Variants in PARVA observed in about 807,000 individuals in gnomAD.
PARVA encodes alpha-parvin.
In PARVA, 25 loss-of-function variants were observed where a neutral mutation model predicts 52.6. The observed-to-expected ratio is 0.48, with a 90% confidence interval of 0.35 to 0.66. PARVA has a LOEUF of 0.66. PARVA is among the 30% of genes least tolerant of loss of function. The pLI is 0.01. For synonymous variants in PARVA, 185 were observed against 179.1 expected (o/e 1.03, Z -0.26); for missense variants, 373 against 450.9 (o/e 0.83, Z 1.56).
rs1281751857 is a variant in PARVA at position 12,516,065 on chromosome 11, C to G, written c.868-1545C>G. ...TGTTGCCCAGGCCAGTCTGGAACTC[C>G]TGAGCTCAAGCGATCCGCCTGCCTC... On this transcript the variant is annotated intron_variant, in intron 10 of 12. Transcript: ENST00000334956. Among the ~76,000 whole-genome samples the G allele has an allele frequency of 5.9e-5, 9 of 152,338 alleles. No individual in the cohort carries two copies. In the East Asian group the frequency reaches 1.7e-3, roughly 29 times the overall value.
intron 1 of PARVA, among the ~76,000 whole-genome samples, chr11:12,412,812 G>A (rs998989230): frequency 4.6e-5 from 7 of 152,142 alleles, no homozygotes; most frequent in Non-Finnish European, 7.3e-5. Flanking sequence ...CCCTTTCCAC[G>A]CCAGTGTTAA....
intron 1 of PARVA, among the ~76,000 whole-genome samples, chr11:12,459,964 G>A (rs1444433364): frequency 6.6e-6 from 1 of 152,130 alleles, no homozygotes; most frequent in Non-Finnish European, 1.5e-5. Context: ...CAGGGGCTGA[G>A]CCTCCATAGA....
chr11:12,509,586 G>A (rs1941480664), intron 7 of PARVA, among the ~76,000 whole-genome samples: 1 of 152,176 alleles, frequency 6.6e-6, no homozygotes, highest in Admixed American at 6.5e-5. Flanking sequence ...AGGAGTCTGG[G>A]GCACTGCCCG....
At chr11:12,376,987 C>T (rs1939397653), upstream of PARVA, among the ~76,000 whole-genome samples, 1 of 152,192 alleles carries the variant, frequency 6.6e-6, no homozygotes, top group Non-Finnish European at 1.5e-5. Context: ...GAATAAGAAG[C>T]CTCGGCTTTA....
In PARVA at chr11:12,377,715, G is replaced by T; in HGVS notation, c.68G>T (p.Arg23Leu). The T allele has an allele frequency of 1.3e-5, 20 of 1,564,852 alleles. No individual in the cohort carries two copies. The highest frequency in any genetic ancestry group is 1.7e-5 in the Non-Finnish European group (20 of 1,160,272). Residue 23 changes from arginine to leucine, a missense_variant, in exon 1 of 13, where the codon CGC (arginine) becomes CTC (leucine). Arg to Leu is a moderately radical substitution (Grantham distance 102). Transcript: ENST00000334956. ...KSPTPKSPPS[R>L]KKDDSFLGKL... ...CCCACTCCCAAGTCGCCCCCGTCCC[G>T]CAAGAAAGATGATTCCTTCTTGGGG...
intron 1 of PARVA, among the ~76,000 whole-genome samples, chr11:12,449,151 T>A (rs1564849867): frequency 6.6e-6 from 1 of 151,804 alleles, no homozygotes; most frequent in Non-Finnish European, 1.5e-5. Context: ...TATTTATTTA[T>A]TTTTATTTTA....
chr11:12,421,892 G>C (rs1247708661), intron 1 of PARVA, among the ~76,000 whole-genome samples: 1 of 152,202 alleles, frequency 6.6e-6, no homozygotes, highest in Non-Finnish European at 1.5e-5. Flanking sequence ...ATATGGAACA[G>C]GTCAGGCCCA....
At chr11:12,391,350 T>C (rs879276077) in intron 1 of PARVA, among the ~76,000 whole-genome samples, 41 of 152,180 alleles carry the variant, frequency 2.7e-4, no homozygotes, top group Non-Finnish European at 4.1e-4. Context: ...TAGATGGCAA[T>C]TGTCGTTCAG....
intron 12 of PARVA, among the ~76,000 whole-genome samples, chr11:12,521,326 A>C (rs1327721278): frequency 2.6e-5 from 4 of 152,206 alleles, no homozygotes; most frequent in African/African-American, 9.7e-5. Flanking sequence ...GAGATAGTGT[A>C]CAGAAGCCAA....
At chr11:12,420,330 T>C (rs541938818) in intron 1 of PARVA, among the ~76,000 whole-genome samples, 3 of 152,224 alleles carry the variant, frequency 2.0e-5, no homozygotes, top group African/African-American at 7.2e-5. Context: ...TGTGTTTAAT[T>C]TGAACGGGAA....
intron 1 of PARVA, among the ~76,000 whole-genome samples, chr11:12,441,891 T>C (rs1192032995): frequency 6.6e-6 from 1 of 152,234 alleles, no homozygotes; most frequent in Non-Finnish European, 1.5e-5. Flanking sequence ...ACTGCCTAGC[T>C]CCACAAAATG....
Position 12,534,733 on chromosome 11 carries a change from G to T in PARVA, c.*6808G>T, listed in dbSNP as rs953571109. ...CATGTTTGCTCTGTGTGGAGCCAGG[G>T]TTGGGGCTGCACAACTCTCTGGCTG... On this transcript the variant is annotated 3_prime_UTR_variant, in exon 13 of 13. Coordinates refer to ENST00000334956, the MANE Select transcript of PARVA (RefSeq NM_018222.5). Among the ~76,000 whole-genome samples the T allele has an allele frequency of 6.6e-6, 1 of 152,168 alleles. No homozygotes were observed. The highest frequency in any genetic ancestry group is 1.5e-5 in the Non-Finnish European group (1 of 68,022).
At chr11:12,487,189 A>C (rs934840713) in intron 4 of PARVA, among the ~76,000 whole-genome samples, 5 of 152,082 alleles carry the variant, frequency 3.3e-5, no homozygotes, top group African/African-American at 1.2e-4. Context: ...AACAGGTATG[A>C]CTCCATGAAC....
chr11:12,427,287 C>A (rs1940251087), intron 1 of PARVA, among the ~76,000 whole-genome samples: 1 of 152,204 alleles, frequency 6.6e-6, no homozygotes, highest in Admixed American at 6.5e-5. Context: ...AATTGGTCAA[C>A]AATTTATTGT....
In PARVA at chr11:12,527,987, C is replaced by G; in HGVS notation, c.*62C>G. On this transcript the variant is annotated 3_prime_UTR_variant, in exon 13 of 13. Coordinates refer to ENST00000334956, the MANE Select transcript of PARVA (RefSeq NM_018222.5). ...TGCTGTTGGCGTACTGGACCCTCCT[C>G]CGAACTGCCTTACCCTGCTTATTCC... The G allele has an allele frequency of 8.7e-7, 1 of 1,150,294 alleles. No individual in the cohort carries two copies. The highest frequency in any genetic ancestry group is 1.2e-5 in the South Asian group (1 of 81,854). The allele number at this position is 1,150,294 out of a possible 1,614,324, so 71.3% of individuals were successfully genotyped here. A position where few individuals can be genotyped will look rare whatever the true frequency, so the allele number is the denominator to read the frequency against.
chr11:12,405,621 GAT>G (rs966850456), intron 1 of PARVA, among the ~76,000 whole-genome samples: 2 of 152,030 alleles, frequency 1.3e-5, no homozygotes, highest in Non-Finnish European at 2.9e-5. Context: ...TTAATATTTG[GAT>G]ATGTTTTCTC....
chr11:12,468,975 T>A (rs1031867148), intron 1 of PARVA, among the ~76,000 whole-genome samples: 5 of 152,160 alleles, frequency 3.3e-5, no homozygotes, highest in African/African-American at 1.2e-4. Flanking sequence ...ATCAAGATCA[T>A]CATGATTCGT....
intron 1 of PARVA, among the ~76,000 whole-genome samples, chr11:12,436,623 G>A (rs1333352022): frequency 6.6e-6 from 1 of 152,138 alleles, no homozygotes; most frequent in Non-Finnish European, 1.5e-5. Context: ...GTATTACTGA[G>A]GGAGAACACC....
chr11:12,471,114 A>T (rs1940927195), intron 1 of PARVA, among the ~76,000 whole-genome samples: 1 of 152,220 alleles, frequency 6.6e-6, no homozygotes. Flanking sequence ...CATGGTGTAA[A>T]CAGTGGTGCC....
Sources: allele counts gnomAD v4.1 joint callset (sites outside exome capture counted in the v4.1 genomes callset), GRCh38; gene constraint gnomAD v4.1.1; transcripts MANE v1.5; gene names NCBI Gene and HGNC (gene_info 2026-07-23, HGNC 2026-07-21).